SARS1: variants seen among roughly 807,000 people sequenced by gnomAD.
SARS1 encodes seryl-tRNA synthetase 1.
Under a neutral mutation model 63.7 loss-of-function variants are expected in SARS1, and 25 were observed. That is an observed-to-expected ratio of 0.39 (90% CI 0.29 to 0.55). SARS1 has a LOEUF of 0.55. Ranked by LOEUF, SARS1 falls within the 20% of genes least tolerant of loss-of-function variation. SARS1 has a pLI of 0.62. For missense variants in SARS1, 417 were observed against 649.7 expected, an observed-to-expected ratio of 0.64 and a Z score of 3.89; for synonymous variants, 231 against 243.5, an observed-to-expected ratio of 0.95 and a Z score of 0.48.
At chr1:109,216,810 A>G (rs1654799572) in intron 1 of SARS1, 2 of 556,526 alleles carry the variant, frequency 3.6e-6, no homozygotes, top group African/African-American at 2.0e-5. Context: ...TTTTGTAGAG[A>G]TGGAGTTTCG....
At chr1:109,220,011 T>A (rs1221149641) in intron 1 of SARS1, among the ~76,000 whole-genome samples, 1 of 152,256 alleles carries the variant, frequency 6.6e-6, no homozygotes, top group African/African-American at 2.4e-5. Flanking sequence ...TTCTAGAGAC[T>A]CTTTTTTAAA....
At chr1:109,227,960 T>C (rs1312159114) in intron 2 of SARS1, among the ~76,000 whole-genome samples, 3 of 150,198 alleles carry the variant, frequency 2.0e-5, no homozygotes, top group African/African-American at 7.3e-5. Flanking sequence ...GTGTGTCTGC[T>C]CCAGGGCTTG....
chr1:109,237,211 C>T lies in SARS1; in HGVS notation c.1258-33C>T, dbSNP rs772753121. ...TCAGTAAGACCCGATGAGAGTTGAG[C>T]CCGACTTCCCCTCTGGGACCCTGTC... On this transcript the variant is annotated intron_variant, in intron 9 of 10. Transcript: ENST00000234677. This position sits in a 1 kb window ranked among gnomAD's most constrained non-coding sequence, Gnocchi z 4.1. 6.9e-6 allele frequency: 11 copies of T among 1,597,420 alleles called. No individual in the cohort carries two copies. The highest frequency in any genetic ancestry group is 8.5e-6 in the Non-Finnish European group (10 of 1,173,118).
intron 2 of SARS1, among the ~76,000 whole-genome samples, chr1:109,226,701 C>CACATATATATATATATAT (rs1248771950): frequency 1.7e-4 from 12 of 69,770 alleles, no homozygotes; most frequent in African/African-American, 2.3e-4. Flanking sequence ...TATATATACA[C>CACATATATATATATATAT]ACACACACAC....
At chr1:109,215,077 T>C in intron 1 of SARS1, 1 of 985,500 alleles carries the variant, frequency 1.0e-6, no homozygotes, top group African/African-American at 1.7e-5. Context: ...AAGAGTGTGA[T>C]GGATTTCTAT....
chr1:109,233,944 A>G (rs2101205382), intron 6 of SARS1, among the ~76,000 whole-genome samples: 1 of 136,266 alleles, frequency 7.3e-6, no homozygotes, highest in East Asian at 2.3e-4. Context: ...ATCTCGGCTC[A>G]TTGCAACCTC....
At position 109,238,080 on chromosome 1, in the gene SARS1, A is replaced by G; in HGVS notation, c.*192A>G. The G allele has an allele frequency of 1.6e-6, 1 of 628,328 alleles. No individual in the cohort carries two copies. The highest frequency in any genetic ancestry group is 2.8e-6 in the Non-Finnish European group (1 of 353,482). The allele number at this position is 628,328 out of a possible 1,614,324, so 38.9% of individuals were successfully genotyped here. On this transcript the variant is annotated 3_prime_UTR_variant, in exon 11 of 11. Transcript: ENST00000234677. ...GCATGGGCATAGGGACCCATCATTG[A>G]TGACTGATGAAACCATGTAATAAAG...
Position 109,231,704 on chromosome 1 carries a change from C to T in SARS1, c.665C>T (p.Pro222Leu). 1 of 1,595,714 alleles carries T rather than the reference C, an allele frequency of 6.3e-7. No individual in the cohort carries two copies. Among genetic ancestry groups the T allele is most frequent in the Middle Eastern group, 1.7e-4 (1 of 6,000 alleles). The change falls in exon 6 of 11, where the codon CCC (proline) becomes CTC (leucine). Residue 222 changes from proline (P) to leucine (L), a missense_variant. Transcript: ENST00000234677. Reference protein sequence around the residue: ...LRTLGSRGYIPIYTPFFMRKE... With the variant: ...LRTLGSRGYILIYTPFFMRKE... ...ACCTTGGGAAGTCGGGGCTACATTC[C>T]CATTTATACCCCCTTTTTCATGAGG...
chr1:109,231,768 T>C lies in SARS1; in HGVS notation c.729T>C (p.Phe243=). 2 of 1,557,346 alleles carry C rather than the reference T, an allele frequency of 1.3e-6. No individual in the cohort carries two copies. Among genetic ancestry groups the C allele is most frequent in the Non-Finnish European group, 1.7e-6 (2 of 1,155,996 alleles). The stretch of plus-strand genomic sequence containing the variant: ...AGGAGGTGGCACAGCTCAGCCAGTT[T>C]GATGAAGAACTTTATAAGGTGAGTA... ...VMQEVAQLSQ[F]DEELYKVIGK... Residue 243 remains phenylalanine (F), a synonymous_variant, in exon 6 of 11, where the codon TTT becomes TTC. Transcript: ENST00000234677.
intron 2 of SARS1, 105 bp downstream of exon 2, chr1:109,224,153 A>G: frequency 1.2e-6 from 1 of 845,162 alleles, no homozygotes; most frequent in African/African-American, 1.7e-5. Flanking sequence ...TTAAGTCTAC[A>G]AGATGTTCAA....
Position 109,235,925 on chromosome 1 carries a change from C to T in SARS1, c.970-52C>T, listed in dbSNP as rs1655297347. 4 of 1,518,060 alleles carry T rather than the reference C, an allele frequency of 2.6e-6. No homozygotes were observed. The East Asian group carries it at 9.1e-5, about 35-fold the overall frequency. 94.0% of individuals were successfully genotyped at this position (1,518,060 alleles called of 1,614,324 possible). A position where few individuals can be genotyped will look rare whatever the true frequency, so the allele number is the denominator to read the frequency against. On this transcript the variant is annotated intron_variant, in intron 7 of 10. Transcript: ENST00000234677. This position sits in a 1 kb window ranked among gnomAD's most constrained non-coding sequence, Gnocchi z 4.7. The stretch of plus-strand genomic sequence containing the variant: ...TGGCAAGGATGTCTCCCACTTCAGT[C>T]CTTTATTCACCCTATACCGCTGTCA...
intron 2 of SARS1, among the ~76,000 whole-genome samples, chr1:109,226,413 G>A (rs562662794): frequency 2.0e-4 from 29 of 144,572 alleles, no homozygotes; most frequent in African/African-American, 6.4e-4. Context: ...GCGCAGTGGC[G>A]TGATCATAGC....
chr1:109,220,935 T>A (rs999496952), intron 1 of SARS1, among the ~76,000 whole-genome samples: 7 of 151,964 alleles, frequency 4.6e-5, no homozygotes, highest in Non-Finnish European at 7.4e-5. Context: ...TAGATCAAAA[T>A]TTTTTTTAAT....
chr1:109,229,460 A>G lies in SARS1; in HGVS notation c.335A>G (p.Glu112Gly). 6.2e-7 allele frequency: 1 copy of G among 1,614,176 alleles called. No individual in the cohort carries two copies. The highest frequency in any genetic ancestry group is 1.1e-5 in the South Asian group (1 of 91,070). The change falls in exon 4 of 11, where the codon GAA (glutamate) becomes GGA (glycine). Residue 112 changes from glutamate (E) to glycine (G), a missense_variant. This residue lies in a region of SARS1 where 359 missense variants were observed against 529.6 expected (regional missense o/e 0.68). Transcript: ENST00000234677. ...AAAAAAGTCCGACTCCTCATTGATG[A>G]AGCCATCCTGAAGTGTGACGCGGAG... ...QIKKVRLLIDEAILKCDAERI... is the reference protein window; with the variant it reads ...QIKKVRLLIDGAILKCDAERI...
rs1655319468 is a variant in SARS1, at chr1:109,236,735, C to G, written c.1257+187C>G. 18 of 1,526,842 alleles carry G rather than the reference C, an allele frequency of 1.2e-5. No individual in the cohort carries two copies. The highest frequency in any genetic ancestry group is 1.3e-5 in the Non-Finnish European group (15 of 1,137,842). 94.6% of individuals were successfully genotyped at this position (1,526,842 alleles called of 1,614,324 possible). The stretch of plus-strand genomic sequence containing the variant: ...GGACTGAGTTCTTTTAGCTAGAAAC[C>G]TGAATCTAGCTCTCTTCTATAAGGT... On this transcript the variant is annotated intron_variant, in intron 9 of 10. Transcript: ENST00000234677.
At chr1:109,228,522 C>A in intron 3 of SARS1, 90 bp downstream of exon 3, 1 of 840,006 alleles carries the variant, frequency 1.2e-6, no homozygotes, top group Non-Finnish European at 2.0e-6. Flanking sequence ...CTGCTCCACA[C>A]AGCATTGTGA....
At chr1:109,221,384 G>T (rs778989889) in intron 1 of SARS1, among the ~76,000 whole-genome samples, 7 of 151,994 alleles carry the variant, frequency 4.6e-5, no homozygotes, top group Non-Finnish European at 8.8e-5. Flanking sequence ...ATGAAATATC[G>T]AATGCTTTCC....
intron 2 of SARS1, among the ~76,000 whole-genome samples, chr1:109,226,943 T>C (rs1570758652): frequency 6.6e-6 from 1 of 151,012 alleles, no homozygotes; most frequent in African/African-American, 2.4e-5. Context: ...GCAAGTTTTG[T>C]TGAAGTCTCA....
intron 1 of SARS1, among the ~76,000 whole-genome samples, chr1:109,221,051 C>A (rs962262221): frequency 6.7e-6 from 1 of 148,240 alleles, no homozygotes; most frequent in Admixed American, 6.7e-5. Flanking sequence ...GCTAATTTTT[C>A]TTTTCTTCTC....
Sources: gnomAD v4.1 joint callset for allele counts (sites outside exome capture counted in the v4.1 genomes callset) on GRCh38, gnomAD v4.1.1 for gene constraint, gnomAD v4.1.1 regional missense constraint, Gnocchi (gnomAD v3.1) non-coding constraint, MANE v1.5 for transcripts, NCBI Gene and HGNC (gene_info 2026-07-23, HGNC 2026-07-21) for gene names.